The following CDH18 variants were observed in gnomAD, a reference collection of about 807,000 sequenced individuals.
CDH18 encodes the protein cadherin 18.
CDH18 carries 31 observed loss-of-function variants against 67.9 expected under a neutral mutation model. The ratio of observed to expected loss-of-function variants is 0.46; its 90% CI spans 0.34 to 0.62. The LOEUF is 0.62. Among genes scored for constraint, CDH18 ranks in the 20% least tolerant of loss-of-function variants. The pLI is 0.01. For missense variants in CDH18, 890 were observed against 975.5 expected (o/e 0.91, Z 1.17); for synonymous variants, 362 against 347.2 (o/e 1.04, Z -0.48).
rs1178277894 is a variant in CDH18, at chr5:19,747,772, A to G, written c.229-536T>C. Among the ~76,000 whole-genome samples the G allele has an allele frequency of 5.9e-5, 9 of 151,536 alleles. No individual in the cohort carries two copies. The East Asian group carries it at 1.8e-3, about 29-fold the overall frequency. ...TTTAATAATTTGAAAAAAAAATGAA[A>G]TCACCTCTAATATAAAGGGCTTTGA... On this transcript the variant is annotated intron_variant, in intron 3 of 12. Transcript: ENST00000382275.
intron 2 of CDH18, among the ~76,000 whole-genome samples, chr5:20,114,152 A>C (rs1184218013): frequency 6.6e-6 from 1 of 152,246 alleles, no homozygotes; most frequent in Non-Finnish European, 1.5e-5. Context: ...TTAACTTACT[A>C]TCTGAATCAA....
At chr5:20,422,826 C>T (rs1397838438) in intron 1 of CDH18, among the ~76,000 whole-genome samples, 9 of 150,954 alleles carry the variant, frequency 6.0e-5, no homozygotes, top group Admixed American at 5.9e-4. Context: ...CAATTCACAC[C>T]ACGGAGCACT....
At chr5:20,494,241 TA>T (rs1162880153) in intron 1 of CDH18, among the ~76,000 whole-genome samples, 1 of 151,828 alleles carries the variant, frequency 6.6e-6, no homozygotes, top group Non-Finnish European at 1.5e-5. Flanking sequence ...AAAATGAAAA[TA>T]AAAAAATCAT....
intron 1 of CDH18, among the ~76,000 whole-genome samples, chr5:20,300,413 C>T (rs1419857873): frequency 6.6e-6 from 1 of 151,728 alleles, no homozygotes; most frequent in Admixed American, 6.6e-5. Context: ...ATTAACAAGA[C>T]CAGGATGTAC....
At chr5:19,841,761 C>A (rs1782344948) in intron 2 of CDH18, among the ~76,000 whole-genome samples, 1 of 152,078 alleles carries the variant, frequency 6.6e-6, no homozygotes, top group South Asian at 2.1e-4. Context: ...AAGAAAGTGG[C>A]TTTTGCAATG....
At chr5:20,151,300 T>C (rs1751078372) in intron 2 of CDH18, among the ~76,000 whole-genome samples, 1 of 152,154 alleles carries the variant, frequency 6.6e-6, no homozygotes, top group Non-Finnish European at 1.5e-5. Context: ...CATCCATGTT[T>C]GCTGCAAAGA....
At chr5:20,426,273 G>A (rs180887352) in intron 1 of CDH18, among the ~76,000 whole-genome samples, 3 of 151,086 alleles carry the variant, frequency 2.0e-5, no homozygotes, top group East Asian at 3.9e-4. Context: ...ACTGTATTTG[G>A]TGATATGCAA....
At position 19,498,412 on chromosome 5, in the gene CDH18, A is replaced by C. The variant is rs1579820567; in HGVS notation, c.1630+4580T>G. On this transcript the variant is annotated intron_variant, in intron 11 of 12. Coordinates refer to ENST00000382275, the MANE Select transcript of CDH18 (RefSeq NM_004934.5). ...ATTGAAGATCTGAAGAAGTCCTGGT[A>C]TTATTGCTCACAAAGGGAAACTGTT... Among the ~76,000 whole-genome samples, 3 of 152,200 alleles carry C rather than the reference A, an allele frequency of 2.0e-5. No individual in the cohort carries two copies. The South Asian group carries it at 6.2e-4, about 31-fold the overall frequency.
chr5:19,497,883 C>T (rs1742608904), intron 11 of CDH18, among the ~76,000 whole-genome samples: 1 of 152,088 alleles, frequency 6.6e-6, no homozygotes, highest in Non-Finnish European at 1.5e-5. Flanking sequence ...GAGATTGTAC[C>T]TACTTACATG....
intron 2 of CDH18, among the ~76,000 whole-genome samples, chr5:20,129,158 T>C (rs540741581): frequency 1.4e-4 from 21 of 152,108 alleles, no homozygotes; most frequent in African/African-American, 5.1e-4. Context: ...AAAAGGTTGA[T>C]TGAGACAGAG....
At chr5:19,819,898 C>T (rs1779684484) in intron 3 of CDH18, among the ~76,000 whole-genome samples, 1 of 152,118 alleles carries the variant, frequency 6.6e-6, no homozygotes, top group South Asian at 2.1e-4. Flanking sequence ...CCTGGCCACT[C>T]CCATAAGAGG....
intron 8 of CDH18, among the ~76,000 whole-genome samples, chr5:19,544,373 T>G (rs1735947903): frequency 6.6e-6 from 1 of 152,094 alleles, no homozygotes; most frequent in Non-Finnish European, 1.5e-5. Context: ...CTTGTTGTTA[T>G]TATTCAAAAA....
chr5:20,549,328 T>C (rs934328828), intron 1 of CDH18, among the ~76,000 whole-genome samples: 4 of 152,146 alleles, frequency 2.6e-5, no homozygotes, highest in Non-Finnish European at 2.9e-5. Context: ...ATACAAACAC[T>C]TCTTAATAGG....
At chr5:20,031,030 T>A (rs1474689103) in intron 2 of CDH18, among the ~76,000 whole-genome samples, 1 of 152,144 alleles carries the variant, frequency 6.6e-6, no homozygotes, top group African/African-American at 2.4e-5. Context: ...ACATTTTATT[T>A]AATTTCTCTG....
chr5:19,522,704 G>A (rs935451273), intron 9 of CDH18, among the ~76,000 whole-genome samples: 3 of 152,032 alleles, frequency 2.0e-5, no homozygotes, highest in African/African-American at 7.2e-5. Context: ...AGACCAGCCT[G>A]GCCAACATGG....
At chr5:20,358,932 C>CTTT (rs66786530) in intron 1 of CDH18, among the ~76,000 whole-genome samples, 10 of 128,176 alleles carry the variant, frequency 7.8e-5, no homozygotes, top group African/African-American at 1.2e-4. Flanking sequence ...TTTTTTCTTT[C>CTTT]TTTTTTTTTT....
At chr5:19,714,755 C>T (rs1349995885) in intron 5 of CDH18, among the ~76,000 whole-genome samples, 1 of 152,002 alleles carries the variant, frequency 6.6e-6, no homozygotes, top group Non-Finnish European at 1.5e-5. Flanking sequence ...TCCATTACTT[C>T]ATTTCCTTAT....
At chr5:19,865,781 C>G (rs1358436315) in intron 2 of CDH18, among the ~76,000 whole-genome samples, 4 of 152,138 alleles carry the variant, frequency 2.6e-5, no homozygotes, top group Non-Finnish European at 4.4e-5. Flanking sequence ...TTATGTAATA[C>G]TGCCATTTAT....
chr5:20,561,098 G>C (rs1192291905), intron 1 of CDH18, among the ~76,000 whole-genome samples: 3 of 152,038 alleles, frequency 2.0e-5, no homozygotes, highest in Non-Finnish European at 4.4e-5. Flanking sequence ...TCAGAACTTT[G>C]ACAATATTGA....
Sources: gnomAD v4.1 joint callset for allele counts (sites outside exome capture counted in the v4.1 genomes callset) on GRCh38, gnomAD v4.1.1 for gene constraint, MANE v1.5 for transcripts, NCBI Gene and HGNC (gene_info 2026-07-23, HGNC 2026-07-21) for gene names.